Variants in DNAH12 observed in about 807,000 individuals in gnomAD.
The protein encoded by DNAH12 is dynein axonemal heavy chain 12, also known as axonemal beta dynein heavy chain 12.
Under a neutral mutation model 371.5 loss-of-function variants are expected in DNAH12, and 285 were observed. That is an observed-to-expected ratio of 0.77 (90% CI 0.70 to 0.85). The LOEUF (loss-of-function observed/expected upper bound fraction) is 0.85. Among genes scored for constraint, DNAH12 ranks in the 40% least tolerant of loss-of-function variants. The pLI is 0.00. For missense variants in DNAH12, 3,611 were observed against 3,689.4 expected (o/e 0.98, Z 0.55); for synonymous variants, 1,200 against 1,213.0 (o/e 0.99, Z 0.22).
At chr3:57,552,276 T>C in the DNAH12 span, among the ~76,000 whole-genome samples, 3 of 150,124 alleles carry the variant, frequency 2.0e-5, no homozygotes, top group African/African-American at 7.3e-5. Flanking sequence ...GGTCTCACTA[T>C]GTTGCCCAGG....
chr3:57,457,637 A>T, intron 22 of DNAH12, 84 bp downstream of exon 22: 1 of 1,363,056 alleles, frequency 7.3e-7, no homozygotes. Flanking sequence ...TAAGAACTTT[A>T]AGTGTTAATT....
Position 57,502,357 on chromosome 3 carries a change from G to C in DNAH12, c.1209C>G (p.Asn403Lys). The change falls in exon 10 of 74, where the codon AAC (asparagine) becomes AAG (lysine). Residue 403 changes from asparagine to lysine, a missense_variant. This residue lies in a region of DNAH12 where 1,314 missense variants were observed against 1,398.7 expected (regional missense o/e 0.94). Transcript: ENST00000495027. ...VDTLKAAVHR[N>K]LEGARKHYET... ...CATAATGCTTTCTTGCACCTTCTAAGTTCCGATGTACTGCTGCCTTCAGTG... is the reference window on the plus strand; with the variant it reads ...CATAATGCTTTCTTGCACCTTCTAACTTCCGATGTACTGCTGCCTTCAGTG... 6.2e-7 allele frequency: 1 copy of C among 1,614,102 alleles called. No homozygotes were observed. The highest frequency in any genetic ancestry group is 8.5e-7 in the Non-Finnish European group (1 of 1,180,016).
chr3:57,452,859 C>A lies in DNAH12; in HGVS notation c.3770G>T (p.Arg1257Met), dbSNP rs751752357. 14 of 1,547,394 alleles carry A rather than the reference C, an allele frequency of 9.0e-6. No individual in the cohort carries two copies. Among genetic ancestry groups the A allele is most frequent in the Non-Finnish European group, 1.2e-5 (14 of 1,145,966 alleles). Residue 1257 changes from arginine (R) to methionine (M), a missense_variant, in exon 25 of 74, where the codon AGG becomes ATG. Arg to Met is a moderately conservative substitution (Grantham distance 91). Coordinates refer to ENST00000495027, the MANE Select transcript of DNAH12 (RefSeq NM_001366028.2). ...PRLVITPLTD[R>M]CYRTLIGAFY... The stretch of plus-strand genomic sequence containing the variant: ...AATGCATACCAATGTTCTGTAACAC[C>A]TGTCAGTTAGAGGCGTAATGACAAG...
At chr3:57,394,113 A>G (rs1185843559) in intron 44 of DNAH12, 58 bp downstream of exon 44, 1 of 152,180 alleles carries the variant, frequency 6.6e-6, no homozygotes, top group African/African-American at 2.4e-5. Context: ...GAGCAGAGAA[A>G]CAGTTTCAAG....
intron 11 of DNAH12, among the ~76,000 whole-genome samples, chr3:57,494,593 C>T (rs904538430): frequency 6.6e-6 from 1 of 151,650 alleles, no homozygotes; most frequent in East Asian, 1.9e-4. Flanking sequence ...TGTACTAAAA[C>T]AAAACAAAAC....
chr3:57,519,616 A>G, intron 4 of DNAH12: 1 of 1,063,612 alleles, frequency 9.4e-7, no homozygotes, highest in Non-Finnish European at 1.5e-6. Flanking sequence ...GCACTTGATA[A>G]CAAGATCCAC....
intron 70 of DNAH12, among the ~76,000 whole-genome samples, chr3:57,301,118 C>CA (rs901650645): frequency 1.3e-5 from 2 of 151,778 alleles, no homozygotes; most frequent in Admixed American, 6.6e-5. Context: ...GGTGAGACTC[C>CA]ATCTCTACAA....
chr3:57,406,357 A>C (rs1553681244), intron 40 of DNAH12, among the ~76,000 whole-genome samples: 1 of 71,050 alleles, frequency 1.4e-5, no homozygotes, highest in African/African-American at 7.5e-5. Context: ...ATTCTGCCTC[A>C]AAAAAAAAAA....
At position 57,509,228 on chromosome 3, in the gene DNAH12, A is replaced by T; in HGVS notation, c.470-16T>A. 1 of 1,600,272 alleles carries T rather than the reference A, an allele frequency of 6.2e-7. No individual in the cohort carries two copies. Among genetic ancestry groups the T allele is most frequent in the Non-Finnish European group, 8.5e-7 (1 of 1,174,208 alleles). On this transcript the variant is annotated splice_polypyrimidine_tract_variant and intron_variant, in intron 5 of 73. Transcript: ENST00000495027. ...ACGCTCTGCACTAAAATACATGGAT[A>T]TATTAATGCTTCTTGAAAATCTCTG...
At chr3:57,435,692 C>T (rs925707075) in intron 30 of DNAH12, among the ~76,000 whole-genome samples, 8 of 151,506 alleles carry the variant, frequency 5.3e-5, no homozygotes, top group East Asian at 2.0e-4. Context: ...TGTGGTGGTG[C>T]GCACCTGTAG....
At chr3:57,367,049 C>CA (rs2063066419) in intron 56 of DNAH12, 128 bp from the exon 57 acceptor site, 3 of 152,186 alleles carry the variant, frequency 2.0e-5, no homozygotes, top group Admixed American at 1.3e-4. Context: ...AAAACAGGGC[C>CA]AGGCTCAGTG....
intron 55 of DNAH12, among the ~76,000 whole-genome samples, chr3:57,374,660 A>T (rs1523106): frequency 0.66 from 99,579 of 151,892 alleles, 33,332 homozygotes; most frequent in Non-Finnish European, 0.75. Context: ...GAGGTCCATC[A>T]GTAGGAGAAT....
Position 57,309,817 on chromosome 3 carries a change from A to T in DNAH12, c.10934T>A (p.Leu3645Ter). 1 of 1,550,900 alleles carries T rather than the reference A, an allele frequency of 6.4e-7. No homozygotes were observed. Among genetic ancestry groups the T allele is most frequent in the Non-Finnish European group, 8.7e-7 (1 of 1,146,702 alleles). ...CTTGGAGATGTCAACGTTTTCATGT[A>T]ATCCAAATATCTCAGGGTGTTGAGT... ...PFTQHPEIFG[L>*]HENVDISKDL... The change falls in exon 68 of 74, where the codon TTA becomes TAA. Residue 3645 changes from leucine to a stop codon, truncating the protein, a stop_gained. Transcript: ENST00000495027. LOFTEE classifies it high-confidence loss of function.
At chr3:57,315,201 T>TC (rs1004408107) in intron 65 of DNAH12, among the ~76,000 whole-genome samples, 8 of 151,416 alleles carry the variant, frequency 5.3e-5, no homozygotes, top group African/African-American at 1.7e-4. Context: ...GTCTTTAAGG[T>TC]CCCCCCCAAG....
At chr3:57,542,155 TGG>T (rs35978339) in intron 2 of DNAH12, among the ~76,000 whole-genome samples, 13,914 of 81,914 alleles carry the variant, frequency 0.17, 1,354 homozygotes, top group African/African-American at 0.24. Context: ...TCCACTAAAC[TGG>T]GGGGGGGGGG....
At chr3:57,474,853 G>A (rs985576916) in intron 13 of DNAH12, among the ~76,000 whole-genome samples, 45 of 151,822 alleles carry the variant, frequency 3.0e-4, no homozygotes, top group African/African-American at 1.1e-3. Context: ...GCGCGTGCCT[G>A]TAGTCCCAGG....
At chr3:57,327,212 A>G (rs2061971079) in intron 62 of DNAH12, among the ~76,000 whole-genome samples, 1 of 152,182 alleles carries the variant, frequency 6.6e-6, no homozygotes, top group Non-Finnish European at 1.5e-5. Context: ...AATGGACCTA[A>G]TAGACATCTA....
rs1206313092 is a variant in DNAH12, at chr3:57,461,563, G to A, written c.2662C>T (p.Leu888Phe). The A allele has an allele frequency of 6.4e-7, 1 of 1,551,318 alleles. No individual in the cohort carries two copies. Among genetic ancestry groups the A allele is most frequent in the Non-Finnish European group, 8.7e-7 (1 of 1,146,846 alleles). The change falls in exon 19 of 74, where the codon CTT (leucine) becomes TTT (phenylalanine). Residue 888 changes from leucine to phenylalanine, a missense_variant. Transcript: ENST00000495027. ...LSSVDEIQAI[L>F]DDQIIKTQTM... The stretch of plus-strand genomic sequence containing the variant: ...TGAGTTTTTATAATTTGATCATCAA[G>A]GATGGCCTGAATCTCATCCACCGAA...
At position 57,295,544 on chromosome 3, in the gene DNAH12, G is replaced by C. The variant is rs370865086; in HGVS notation, c.11673C>G (p.Pro3891=). The C allele has an allele frequency of 5.4e-5, 83 of 1,545,720 alleles. No homozygotes were observed. The East Asian group carries it at 7.4e-4, about 14-fold the overall frequency. ...ATTTACTTGGTTTTATCCATATGAT[G>C]GGCATCAGGTCAAACAGAAGTTTGG... ...QYPKLLFDLM[P]IIWIKPTQKS... The change falls in exon 73 of 74, where the codon CCC becomes CCG. Residue 3891 remains proline (P), a synonymous_variant. Transcript: ENST00000495027.
Sources: gnomAD v4.1 joint callset for allele counts (sites outside exome capture counted in the v4.1 genomes callset) on GRCh38, gnomAD v4.1.1 for gene constraint, gnomAD v4.1.1 regional missense constraint, MANE v1.5 for transcripts, NCBI Gene and HGNC (gene_info 2026-07-23, HGNC 2026-07-21) for gene names.